TMEM164: variants seen among roughly 807,000 people sequenced by gnomAD.
The protein encoded by TMEM164 is RP13-360B22.2.
In TMEM164, 4 loss-of-function variants were observed where a neutral mutation model predicts 18.8. The ratio of observed to expected loss-of-function variants is 0.21; its 90% CI spans 0.10 to 0.49. The LOEUF is 0.49. Among genes scored for constraint, TMEM164 ranks in the 20% least tolerant of loss-of-function variants. TMEM164 has a pLI of 0.98. For missense variants in TMEM164, 108 were observed against 239.9 expected (o/e 0.45, Z 3.63); for synonymous variants, 86 against 101.7 (o/e 0.85, Z 0.93).
chrX:110,098,882 A>G lies in TMEM164; in HGVS notation c.441-10198A>G, dbSNP rs1483074709. Among the ~76,000 whole-genome samples, 30 of 104,068 alleles carry G rather than the reference A, an allele frequency of 2.9e-4. No individual in the cohort carries two copies. In the Admixed American group the frequency reaches 3.2e-3, roughly 11 times the overall value. 90.4% of individuals were successfully genotyped at this position (104,068 alleles called of 115,157 possible). A position where few individuals can be genotyped will look rare whatever the true frequency, so the allele number is the denominator to read the frequency against. ...ACTGCAGGCTCCGCCTCCTGGGTTC[A>G]CGCCATTCTGCTGTCTCAGCCTTTC... On this transcript the variant is annotated intron_variant, in intron 3 of 6. Coordinates refer to ENST00000372068, the MANE Select transcript of TMEM164 (RefSeq NM_032227.4).
At chrX:110,077,753 T>G (rs934496684) in intron 3 of TMEM164, among the ~76,000 whole-genome samples, 3 of 112,070 alleles carry the variant, frequency 2.7e-5, no homozygotes, top group African/African-American at 9.7e-5. Flanking sequence ...GTTTGGAATT[T>G]ATTTTTTCTA....
intron 5 of TMEM164, among the ~76,000 whole-genome samples, chrX:110,168,930 G>A (rs188858477): frequency 1.8e-5 from 2 of 112,450 alleles, no homozygotes; most frequent in East Asian, 5.6e-4. Flanking sequence ...TGTAATTACG[G>A]TATATTATCT....
At chrX:110,062,331 T>C (rs1009448416) in intron 2 of TMEM164, among the ~76,000 whole-genome samples, 25 of 112,220 alleles carry the variant, frequency 2.2e-4, no homozygotes, top group African/African-American at 8.1e-4. Context: ...TAGTTTAACA[T>C]TTCTGGTAAT....
At chrX:110,056,282 A>G (rs1416151358) in intron 2 of TMEM164, among the ~76,000 whole-genome samples, 1 of 111,042 alleles carries the variant, frequency 9.0e-6, no homozygotes, top group Non-Finnish European at 1.9e-5. Context: ...TAATTATAAT[A>G]TGTGACCTTT....
At chrX:110,149,622 A>G (rs1385718579) in intron 5 of TMEM164, among the ~76,000 whole-genome samples, 1 of 111,307 alleles carries the variant, frequency 9.0e-6, no homozygotes, top group Non-Finnish European at 1.9e-5. Flanking sequence ...TCTCATTCTA[A>G]TTGTCTGGTA....
At chrX:110,080,781 C>T (rs2065742745) in intron 3 of TMEM164, among the ~76,000 whole-genome samples, 1 of 111,442 alleles carries the variant, frequency 9.0e-6, no homozygotes, top group South Asian at 3.7e-4. Flanking sequence ...TGCAGTGGTG[C>T]ATTCACGGCT....
At chrX:110,050,008 G>T (rs1396044751) in intron 2 of TMEM164, among the ~76,000 whole-genome samples, 1 of 112,154 alleles carries the variant, frequency 8.9e-6, no homozygotes, top group Non-Finnish European at 1.9e-5. Flanking sequence ...GTTGGCCAAT[G>T]TAATGAATAA....
intron 2 of TMEM164, among the ~76,000 whole-genome samples, chrX:110,038,710 T>TACCTC (rs1430975573): frequency 4.6e-5 from 5 of 109,581 alleles, no homozygotes; most frequent in Non-Finnish European, 9.5e-5. Flanking sequence ...TACCCCACCA[T>TACCTC]ACCTCACCTC....
At chrX:110,129,489 C>T (rs2066582498) in intron 4 of TMEM164, among the ~76,000 whole-genome samples, 1 of 112,661 alleles carries the variant, frequency 8.9e-6, no homozygotes, top group Non-Finnish European at 1.9e-5. Context: ...GATGCCGTAT[C>T]CCACTTATGT....
intron 4 of TMEM164, among the ~76,000 whole-genome samples, chrX:110,130,586 A>G (rs1324011748): frequency 9.0e-6 from 1 of 111,308 alleles, no homozygotes; most frequent in Non-Finnish European, 1.9e-5. Flanking sequence ...TCATTTCTAT[A>G]TGAAAATATT....
chrX:110,171,566 C>T, intron 6 of TMEM164, 46 bp downstream of exon 6: 1 of 1,043,372 alleles, frequency 9.6e-7, no homozygotes, highest in Non-Finnish European at 1.3e-6. Flanking sequence ...TTGCAGTTCT[C>T]CATAAATCTT....
At chrX:110,063,872 G>A (rs1400587586) in intron 2 of TMEM164, among the ~76,000 whole-genome samples, 1 of 111,335 alleles carries the variant, frequency 9.0e-6, no homozygotes, top group Non-Finnish European at 1.9e-5. Context: ...CAGGTGTGGG[G>A]CTGTTGGGGT....
At chrX:110,150,354 G>A (rs2066922237) in intron 5 of TMEM164, among the ~76,000 whole-genome samples, 1 of 111,793 alleles carries the variant, frequency 8.9e-6, no homozygotes, top group African/African-American at 3.3e-5. Context: ...GGGCAGGCTG[G>A]CGTCATATAT....
At chrX:110,167,994 C>T (rs2067179540) in intron 5 of TMEM164, among the ~76,000 whole-genome samples, 1 of 112,143 alleles carries the variant, frequency 8.9e-6, no homozygotes, top group African/African-American at 3.2e-5. Context: ...TGCCTCCTGG[C>T]TGAGGACACC....
chrX:110,007,373 A>AT (rs1932774799), intron 2 of TMEM164, among the ~76,000 whole-genome samples: 1 of 112,732 alleles, frequency 8.9e-6, no homozygotes, highest in Admixed American at 9.4e-5. Context: ...AGCCAGAGAT[A>AT]TTTGAGTGTT....
chrX:110,046,614 G>A, intron 2 of TMEM164: 1 of 432,079 alleles, frequency 2.3e-6, no homozygotes, highest in Non-Finnish European at 2.9e-6. Flanking sequence ...GGAGATTGCT[G>A]GAACAGCAAT....
intron 2 of TMEM164, among the ~76,000 whole-genome samples, chrX:110,022,156 A>C (rs1933912685): frequency 8.9e-6 from 1 of 111,789 alleles, no homozygotes; most frequent in South Asian, 3.7e-4. Context: ...ATAGTTGAGA[A>C]GACTGGATTA....
chrX:110,149,511 T>G (rs1331228023), intron 5 of TMEM164, among the ~76,000 whole-genome samples: 1 of 111,794 alleles, frequency 8.9e-6, no homozygotes, highest in Non-Finnish European at 1.9e-5. Context: ...GTTCCTCCCT[T>G]TCCTGGCTTT....
At chrX:110,025,411 T>G (rs1934137726) in intron 2 of TMEM164, among the ~76,000 whole-genome samples, 1 of 111,715 alleles carries the variant, frequency 9.0e-6, no homozygotes, top group Non-Finnish European at 1.9e-5. Context: ...CAGAGGGAGT[T>G]AAAAACCAGA....
Sources: allele counts gnomAD v4.1 joint callset (sites outside exome capture counted in the v4.1 genomes callset), GRCh38; gene constraint gnomAD v4.1.1; transcripts MANE v1.5; gene names NCBI Gene and HGNC (gene_info 2026-07-23, HGNC 2026-07-21).